TOX2: variants seen among roughly 807,000 people sequenced by gnomAD.
TOX2 encodes the protein TOX high mobility group box family member 2.
In TOX2, 15 loss-of-function variants were observed where a neutral mutation model predicts 47.4. That is an observed-to-expected ratio of 0.32 (90% CI 0.21 to 0.49). TOX2 has a LOEUF of 0.49. Among genes scored for constraint, TOX2 ranks in the 20% least tolerant of loss-of-function variants. TOX2 has a pLI of 0.99. For missense variants in TOX2, 622 were observed against 673.1 expected (o/e 0.92, Z 0.84); for synonymous variants, 290 against 296.6 (o/e 0.98, Z 0.23).
intron 1 of TOX2, among the ~76,000 whole-genome samples, chr20:43,952,360 G>A (rs908835150): frequency 6.6e-6 from 1 of 152,042 alleles, no homozygotes; most frequent in African/African-American, 2.4e-5. Flanking sequence ...AGCATGTTAG[G>A]GTTATGCTGC....
At chr20:44,027,298 CA>C (rs1251867561) in intron 3 of TOX2, among the ~76,000 whole-genome samples, 1 of 150,118 alleles carries the variant, frequency 6.7e-6, no homozygotes, top group Admixed American at 6.8e-5. Context: ...GTTCAGCGTT[CA>C]GGGGAGGGGG....
chr20:44,028,805 G>A (rs1440940499), intron 3 of TOX2, among the ~76,000 whole-genome samples: 1 of 152,226 alleles, frequency 6.6e-6, no homozygotes, highest in Non-Finnish European at 1.5e-5. Flanking sequence ...GGAATTTGGA[G>A]GATTCACAGC....
intron 4 of TOX2, among the ~76,000 whole-genome samples, chr20:44,052,764 CAGCT>C (rs1203509768): frequency 6.6e-6 from 1 of 152,188 alleles, no homozygotes; most frequent in African/African-American, 2.4e-5. Flanking sequence ...TGGTGTCACA[CAGCT>C]AGTAAGTGGG....
chr20:43,965,924 A>G (rs192464987), intron 1 of TOX2, among the ~76,000 whole-genome samples: 4 of 152,332 alleles, frequency 2.6e-5, no homozygotes, highest in Admixed American at 2.0e-4. Flanking sequence ...GATGGCTTCA[A>G]TTCCTCAGTG....
intron 1 of TOX2, among the ~76,000 whole-genome samples, chr20:43,944,835 C>T (rs1367860466): frequency 3.3e-5 from 5 of 152,194 alleles, no homozygotes; most frequent in Admixed American, 3.3e-4. Context: ...CCCCATTTTA[C>T]AGGTGAAGAA....
At chr20:44,005,008 T>A (rs1481005270) in intron 2 of TOX2, among the ~76,000 whole-genome samples, 1 of 152,228 alleles carries the variant, frequency 6.6e-6, no homozygotes, top group Non-Finnish European at 1.5e-5. Context: ...GATATGCCAA[T>A]TACCCTGATC....
intron 1 of TOX2, among the ~76,000 whole-genome samples, chr20:43,937,194 C>T (rs1466812846): frequency 6.6e-6 from 1 of 152,078 alleles, no homozygotes; most frequent in African/African-American, 2.4e-5. Flanking sequence ...GAAGAGCACG[C>T]GCGAAGGTCC....
At chr20:43,991,651 A>G (rs1006269484) in intron 2 of TOX2, among the ~76,000 whole-genome samples, 1 of 130,256 alleles carries the variant, frequency 7.7e-6, no homozygotes, top group African/African-American at 3.1e-5. Context: ...TATTATTATT[A>G]TTATTATTTT....
intron 2 of TOX2, 67 bp downstream of exon 2, chr20:43,973,499 G>T: frequency 6.7e-7 from 1 of 1,494,270 alleles, no homozygotes. Context: ...AGCTGTTCCT[G>T]GGTGGAGGTA....
At chr20:44,011,101 C>T (rs2070771673) in intron 3 of TOX2, among the ~76,000 whole-genome samples, 1 of 152,182 alleles carries the variant, frequency 6.6e-6, no homozygotes, top group Admixed American at 6.5e-5. Context: ...CTTCTAAGGA[C>T]ATTTGTGATG....
intron 3 of TOX2, among the ~76,000 whole-genome samples, chr20:44,010,773 G>T (rs1434773140): frequency 5.3e-5 from 8 of 152,140 alleles, no homozygotes. Context: ...ATCATGAAGG[G>T]ATGGAGACCC....
intron 1 of TOX2, among the ~76,000 whole-genome samples, chr20:43,929,381 C>T (rs1286703271): frequency 2.6e-5 from 4 of 152,202 alleles, no homozygotes; most frequent in Non-Finnish European, 5.9e-5. Flanking sequence ...CATTTCCAGC[C>T]TCTGTTCCAG....
chr20:43,964,613 G>A (rs1415708357), intron 1 of TOX2, among the ~76,000 whole-genome samples: 1 of 152,218 alleles, frequency 6.6e-6, no homozygotes, highest in Non-Finnish European at 1.5e-5. Context: ...GAGGGGAGGA[G>A]CAACAGCTTC....
intron 1 of TOX2, among the ~76,000 whole-genome samples, chr20:43,938,423 G>A (rs139101452): frequency 1.2e-4 from 18 of 152,284 alleles, no homozygotes; most frequent in African/African-American, 3.8e-4. Flanking sequence ...ATAGTAAAAT[G>A]CTTGTCCCGG....
intron 3 of TOX2, among the ~76,000 whole-genome samples, chr20:44,010,277 C>T (rs912591278): frequency 6.6e-6 from 1 of 152,090 alleles, no homozygotes; most frequent in South Asian, 2.1e-4. Flanking sequence ...CCTAATTGCC[C>T]CTCCTAGGAA....
Position 44,006,577 on chromosome 20 carries a change from G to A in TOX2, c.196G>A (p.Asp66Asn). The A allele has an allele frequency of 6.2e-7, 1 of 1,613,862 alleles. No individual in the cohort carries two copies. Among genetic ancestry groups the A allele is most frequent in the Non-Finnish European group, 8.5e-7 (1 of 1,180,010 alleles). The part of the protein sequence containing the change: ...TYNGQSENNE[D>N]YEIPPITPPN... ...CAACGGCCAGAGCGAGAACAACGAA[G>A]ACTATGAGATCCCCCCGATAACACC... The change falls in exon 3 of 9, where the codon GAC (aspartate) becomes AAC (asparagine). Residue 66 changes from aspartate to asparagine, a missense_variant. Physicochemically the swap from Asp to Asn is conservative, Grantham distance 23 (BLOSUM62 1). Around this residue, in one of 3 missense-constraint regions of TOX2, gnomAD observed 307 missense variants for 327.3 expected, o/e 0.94. Transcript: ENST00000341197.
intron 2 of TOX2, among the ~76,000 whole-genome samples, chr20:43,999,818 A>T (rs1375219733): frequency 6.6e-6 from 1 of 152,284 alleles, no homozygotes; most frequent in African/African-American, 2.4e-5. Context: ...CCCAATTTCC[A>T]TAAAGCAACA....
At chr20:44,016,984 A>C (rs1214362628) in intron 3 of TOX2, among the ~76,000 whole-genome samples, 1 of 152,276 alleles carries the variant, frequency 6.6e-6, no homozygotes, top group African/African-American at 2.4e-5. Flanking sequence ...AGGTGGGATC[A>C]GTCTGAATTC....
At chr20:43,961,999 T>G (rs982483084) in intron 1 of TOX2, among the ~76,000 whole-genome samples, 2 of 152,150 alleles carry the variant, frequency 1.3e-5, no homozygotes, top group Non-Finnish European at 2.9e-5. Context: ...CAGCGCCAAA[T>G]GAAAATGTTT....
Sources: gnomAD v4.1 joint callset for allele counts (sites outside exome capture counted in the v4.1 genomes callset) on GRCh38, gnomAD v4.1.1 for gene constraint, gnomAD v4.1.1 regional missense constraint, MANE v1.5 for transcripts, NCBI Gene and HGNC (gene_info 2026-07-23, HGNC 2026-07-21) for gene names.